Variants in FGF14 observed in about 807,000 individuals in gnomAD.
FGF14 encodes fibroblast growth factor homologous factor 4.
FGF14 carries 5 observed loss-of-function variants against 25.5 expected under a neutral mutation model. That is an observed-to-expected ratio of 0.20 (90% CI 0.10 to 0.41). The LOEUF is 0.41. FGF14 is among the 10% of genes least tolerant of loss of function. The pLI is 1.00. For synonymous variants in FGF14, 138 were observed against 118.3 expected, an observed-to-expected ratio of 1.17 and a Z score of -1.08; for missense variants, 222 against 320.1, an observed-to-expected ratio of 0.69 and a Z score of 2.34.
intron 1 of FGF14, among the ~76,000 whole-genome samples, chr13:102,091,926 A>G (rs2044183290): frequency 6.6e-6 from 1 of 152,196 alleles, no homozygotes; most frequent in South Asian, 2.1e-4. Flanking sequence ...CCTCTACTGA[A>G]TATTGTCAAC....
chr13:102,122,555 TC>T (rs1372697914), intron 1 of FGF14, among the ~76,000 whole-genome samples: 6 of 152,206 alleles, frequency 3.9e-5, no homozygotes, highest in African/African-American at 1.4e-4. Flanking sequence ...TGAGTATCTT[TC>T]AGTTGTTATA....
chr13:101,949,418 G>T (rs1423452087), intron 1 of FGF14, among the ~76,000 whole-genome samples: 3 of 152,094 alleles, frequency 2.0e-5, no homozygotes, highest in Non-Finnish European at 4.4e-5. Flanking sequence ...CAGCTGCTTG[G>T]CTGCGGAACT....
At chr13:102,023,518 T>C (rs2040776255) in intron 1 of FGF14, among the ~76,000 whole-genome samples, 1 of 152,080 alleles carries the variant, frequency 6.6e-6, no homozygotes, top group Non-Finnish European at 1.5e-5. Context: ...TTCTTGTGGT[T>C]GTACAACATC....
chr13:102,158,748 G>T (rs941179944), intron 1 of FGF14, among the ~76,000 whole-genome samples: 1 of 152,046 alleles, frequency 6.6e-6, no homozygotes, highest in Non-Finnish European at 1.5e-5. Flanking sequence ...CTACAAACTG[G>T]TTTATAATTT....
chr13:102,184,384 G>C (rs1213196053), intron 1 of FGF14, among the ~76,000 whole-genome samples: 1 of 152,128 alleles, frequency 6.6e-6, no homozygotes, highest in Non-Finnish European at 1.5e-5. Flanking sequence ...ATATTACTCA[G>C]TCACTCAGCA....
At chr13:102,009,251 A>T (rs1188071166) in intron 1 of FGF14, among the ~76,000 whole-genome samples, 3 of 152,164 alleles carry the variant, frequency 2.0e-5, no homozygotes, top group Non-Finnish European at 4.4e-5. Flanking sequence ...AATACACTAT[A>T]AACTTCTTTC....
At chr13:102,024,713 A>G (rs1288229650) in intron 1 of FGF14, among the ~76,000 whole-genome samples, 2 of 151,686 alleles carry the variant, frequency 1.3e-5, no homozygotes, top group Non-Finnish European at 2.9e-5. Context: ...ATGTACACCA[A>G]TTTTTCTTCT....
At chr13:102,066,866 C>T (rs4772441) in intron 1 of FGF14, among the ~76,000 whole-genome samples, 58,717 of 152,098 alleles carry the variant, frequency 0.39, 11,973 homozygotes, top group East Asian at 0.7. Flanking sequence ...GCTGCTCTCT[C>T]CAGTTTCTCC....
At chr13:102,345,960 G>T (rs2057093830) in intron 1 of FGF14, among the ~76,000 whole-genome samples, 1 of 152,274 alleles carries the variant, frequency 6.6e-6, no homozygotes, top group East Asian at 1.9e-4. Context: ...CAACAATGGG[G>T]AGAGTTACTA....
chr13:102,119,274 C>A (rs1478044498), intron 1 of FGF14, among the ~76,000 whole-genome samples: 2 of 152,144 alleles, frequency 1.3e-5, no homozygotes, highest in Non-Finnish European at 2.9e-5. Context: ...TCACTCAGAT[C>A]TATCCTGAAC....
intron 1 of FGF14, among the ~76,000 whole-genome samples, chr13:102,238,395 A>G (rs1056459063): frequency 5.3e-5 from 8 of 152,142 alleles, no homozygotes; most frequent in African/African-American, 1.9e-4. Flanking sequence ...TATTGCAGCG[A>G]TATTTGTTTT....
chr13:102,072,866 T>G (rs1371133221), intron 1 of FGF14, among the ~76,000 whole-genome samples: 3 of 152,154 alleles, frequency 2.0e-5, no homozygotes, highest in Non-Finnish European at 4.4e-5. Context: ...AATATAAATG[T>G]GTAAATTGGG....
At chr13:101,985,238 C>T (rs1018429311) in intron 1 of FGF14, among the ~76,000 whole-genome samples, 1 of 151,930 alleles carries the variant, frequency 6.6e-6, no homozygotes, top group African/African-American at 2.4e-5. Flanking sequence ...ATGGAGGGAG[C>T]TGCCAATCCA....
intron 3 of FGF14, among the ~76,000 whole-genome samples, chr13:101,762,021 T>C (rs1046777078): frequency 5.3e-5 from 8 of 152,162 alleles, no homozygotes; most frequent in Non-Finnish European, 4.4e-5. Flanking sequence ...CTAAGCAGTA[T>C]AGGTTGATGA....
At chr13:101,780,899 C>T (rs1274351327) in intron 3 of FGF14, among the ~76,000 whole-genome samples, 1 of 152,110 alleles carries the variant, frequency 6.6e-6, no homozygotes, top group Non-Finnish European at 1.5e-5. Flanking sequence ...GCTCCTTGCT[C>T]TAAGAGCTCC....
At position 101,714,401 on chromosome 13, in the gene FGF14, A is replaced by G. The variant is rs770623266; in HGVS notation, c.*8430T>C. On this transcript the variant is annotated 3_prime_UTR_variant, in exon 5 of 5. Transcript: ENST00000376143. ...CTATTCGAGATGGAAACCTTTAGTTATAAGGTGATGGTGAGTAATAGCCTT... is the reference window on the plus strand; with the variant it reads ...CTATTCGAGATGGAAACCTTTAGTTGTAAGGTGATGGTGAGTAATAGCCTT... 9.6e-6 allele frequency: 11 copies of G among 1,143,038 alleles called. No individual in the cohort carries two copies. The highest frequency in any genetic ancestry group is 1.5e-5 in the African/African-American group (1 of 65,846). 70.8% of individuals were successfully genotyped at this position (1,143,038 alleles called of 1,614,324 possible).
At chr13:102,036,751 T>A (rs761371586) in intron 1 of FGF14, among the ~76,000 whole-genome samples, 3 of 151,948 alleles carry the variant, frequency 2.0e-5, no homozygotes, top group Non-Finnish European at 4.4e-5. Context: ...ACATCACACC[T>A]TGGGTCAAAG....
At chr13:101,957,415 C>A (rs924808815) in intron 1 of FGF14, among the ~76,000 whole-genome samples, 1 of 152,090 alleles carries the variant, frequency 6.6e-6, no homozygotes, top group Non-Finnish European at 1.5e-5. Flanking sequence ...AGAAACTGAA[C>A]CAGAGCTCAC....
chr13:102,170,480 C>T (rs188968089), intron 1 of FGF14, among the ~76,000 whole-genome samples: 102 of 152,066 alleles, frequency 6.7e-4, no homozygotes, highest in Non-Finnish European at 9.4e-4. Flanking sequence ...CATTTACAGA[C>T]GAATGCAACA....
Sources: allele counts gnomAD v4.1 joint callset (sites outside exome capture counted in the v4.1 genomes callset), GRCh38; gene constraint gnomAD v4.1.1; transcripts MANE v1.5; gene names NCBI Gene and HGNC (gene_info 2026-07-23, HGNC 2026-07-21).